The following CSPG5 variants were observed in gnomAD, a reference collection of about 807,000 sequenced individuals.
The protein encoded by CSPG5 is acidic leucine-rich EGF-like domain-containing brain protein.
In CSPG5, 25 loss-of-function variants were observed where a neutral mutation model predicts 39.8. That is an observed-to-expected ratio of 0.63 (90% CI 0.46 to 0.88). The LOEUF is 0.88. Ranked by LOEUF, CSPG5 falls within the 40% of genes least tolerant of loss-of-function variation. CSPG5 has a pLI of 0.00. For synonymous variants in CSPG5, 295 were observed against 303.9 expected (o/e 0.97, Z 0.31); for missense variants, 627 against 702.2 (o/e 0.89, Z 1.21).
chr3:47,567,768 T>G (rs1274808878), intron 4 of CSPG5, among the ~76,000 whole-genome samples: 1 of 152,122 alleles, frequency 6.6e-6, no homozygotes, highest in African/African-American at 2.4e-5. Context: ...TCCCAACACT[T>G]TGGGAGGCTG....
chr3:47,562,364 C>G lies in CSPG5; in HGVS notation c.*236G>C, dbSNP rs2031109385. The G allele has an allele frequency of 2.8e-6, 1 of 359,210 alleles. No homozygotes were observed. 22.3% of individuals were successfully genotyped at this position (359,210 alleles called of 1,614,324 possible). A position where few individuals can be genotyped will look rare whatever the true frequency, so the allele number is the denominator to read the frequency against. On this transcript the variant is annotated 3_prime_UTR_variant, in exon 5 of 5. Coordinates refer to ENST00000264723, the MANE Select transcript of CSPG5 (RefSeq NM_006574.4). Reference sequence around the variant, plus strand: ...GGTTTAGAAATCACAGCAGCAGAAGCAATGTACAGACAGCACAGAAAAAAC... The same window carrying G: ...GGTTTAGAAATCACAGCAGCAGAAGGAATGTACAGACAGCACAGAAAAAAC...
At chr3:47,564,357 C>A (rs183132962) in intron 4 of CSPG5, among the ~76,000 whole-genome samples, 1 of 152,224 alleles carries the variant, frequency 6.6e-6, no homozygotes, top group Admixed American at 6.5e-5. Flanking sequence ...CACAGGACAC[C>A]GGGGCATCCA....
intron 2 of CSPG5, among the ~76,000 whole-genome samples, chr3:47,573,492 TGAG>T (rs1321147050): frequency 1.3e-5 from 2 of 152,178 alleles, no homozygotes; most frequent in East Asian, 3.8e-4. Context: ...CCTAGTACTA[TGAG>T]AACTGTCATG....
chr3:47,566,298 C>A (rs922344018), intron 4 of CSPG5, among the ~76,000 whole-genome samples: 2 of 152,150 alleles, frequency 1.3e-5, no homozygotes, highest in Non-Finnish European at 2.9e-5. Flanking sequence ...GGAGAAGCCA[C>A]GAGGCAGGCT....
chr3:47,577,736 C>T lies in CSPG5; in HGVS notation c.290G>A (p.Gly97Asp). 1 of 1,579,998 alleles carries T rather than the reference C, an allele frequency of 6.3e-7. No individual in the cohort carries two copies. The highest frequency in any genetic ancestry group is 8.6e-7 in the Non-Finnish European group (1 of 1,168,752). The change falls in exon 2 of 5, where the codon GGC (glycine) becomes GAC (aspartate). Residue 97 changes from glycine (G) to aspartate (D), a missense_variant. Coordinates refer to ENST00000264723, the MANE Select transcript of CSPG5 (RefSeq NM_006574.4). This position sits in a 1 kb window ranked among gnomAD's most constrained non-coding sequence, Gnocchi z 4.7. Reference sequence around the variant, plus strand: ...GCTGTCAGCTTCCAGCCAGGCGGTGCCGGTCACCGCAGCCGACTCCTGCAG... The same window carrying T: ...GCTGTCAGCTTCCAGCCAGGCGGTGTCGGTCACCGCAGCCGACTCCTGCAG... ...EVLQESAAVT[G>D]TAWLEADSPG...
chr3:47,576,922 G>A lies in CSPG5; in HGVS notation c.1104C>T (p.Gly368=). The A allele has an allele frequency of 6.2e-7, 1 of 1,612,074 alleles. No homozygotes were observed. Among genetic ancestry groups the A allele is most frequent in the Non-Finnish European group, 8.5e-7 (1 of 1,178,672 alleles). The change falls in exon 2 of 5, where the codon GGC becomes GGT. Residue 368 remains glycine, a synonymous_variant. Coordinates refer to ENST00000264723, the MANE Select transcript of CSPG5 (RefSeq NM_006574.4). ...AGAGGTCGCACACTGACCGGCAGGA[G>A]CCGTTATGCCGCACAAAGCCACTGC... ...ECRSGFVRHN[G]SCRSVCDLFP... is the part of the protein sequence containing the mutation.
chr3:47,564,604 C>T (rs528992404), intron 4 of CSPG5, among the ~76,000 whole-genome samples: 1 of 152,130 alleles, frequency 6.6e-6, no homozygotes, highest in Non-Finnish European at 1.5e-5. Context: ...GCACGCGCGG[C>T]CAGTTGAATG....
chr3:47,562,551 T>TCCCCGACCCCCCCC lies in CSPG5; in HGVS notation c.*48_*49insGGGGGGGGTCGGGG. On this transcript the variant is annotated 3_prime_UTR_variant, in exon 5 of 5. Transcript: ENST00000264723. The stretch of plus-strand genomic sequence containing the variant: ...CTGTACAAGAGGAGATAATGTTTCT[T>TCCCCGACCCCCCCC]CCCCTACCCCCCACCCACTACCCCC... The TCCCCGACCCCCCCC allele has an allele frequency of 6.6e-7, 1 of 1,518,952 alleles. No individual in the cohort carries two copies. The highest frequency in any genetic ancestry group is 9.1e-7 in the Non-Finnish European group (1 of 1,103,898). 94.1% of individuals were successfully genotyped at this position (1,518,952 alleles called of 1,614,324 possible). A position where few individuals can be genotyped will look rare whatever the true frequency, so the allele number is the denominator to read the frequency against.
chr3:47,565,544 T>C (rs1447787983), intron 4 of CSPG5, among the ~76,000 whole-genome samples: 2 of 152,156 alleles, frequency 1.3e-5, no homozygotes, highest in African/African-American at 2.4e-5. Flanking sequence ...CCCAGCAGTA[T>C]GGGCACCCTT....
chr3:47,572,206 C>T lies in CSPG5; in HGVS notation c.1382+480G>A, dbSNP rs80172712. On this transcript the variant is annotated intron_variant, in intron 3 of 4. Coordinates refer to ENST00000264723, the MANE Select transcript of CSPG5 (RefSeq NM_006574.4). This position sits in a 1 kb window ranked among gnomAD's most constrained non-coding sequence, Gnocchi z 4.5. ...TGTGGTGCTAAATAAACCCTTTCTC[C>T]TCAGTGTTCACCGAGGAGGAGCTGA... is the stretch of plus-strand genomic sequence containing the variant. Among the ~76,000 whole-genome samples the T allele has an allele frequency of 2.4e-3, 372 of 152,306 alleles. 1 individual carries two copies. The highest frequency in any genetic ancestry group is 8.5e-3 in the African/African-American group (355 of 41,558).
intron 3 of CSPG5, among the ~76,000 whole-genome samples, chr3:47,570,600 AC>A (rs1204750057): frequency 4.6e-5 from 7 of 150,740 alleles, no homozygotes; most frequent in African/African-American, 1.7e-4. Context: ...ACCTCCACCT[AC>A]TGGGTTCAAG....
rs370578310 is a variant in CSPG5 at position 47,575,929 on chromosome 3, CTTTTTTTTT to C, written c.1193+895_1193+903del. On this transcript the variant is annotated intron_variant, in intron 2 of 4. Coordinates refer to ENST00000264723, the MANE Select transcript of CSPG5 (RefSeq NM_006574.4). ...TCTTAAAGAATTCCCTTCATTTTGCCTTTTTTTTTTTTTTTTTTTTTTTTTGAGACAGAG... is the reference window on the plus strand; with the variant it reads ...TCTTAAAGAATTCCCTTCATTTTGCCTTTTTTTTTTTTTTTTGAGACAGAG... Among the ~76,000 whole-genome samples the C allele has an allele frequency of 2.7e-4, 27 of 99,626 alleles. 2 individuals are homozygous for C. In the Admixed American group the frequency reaches 3.3e-3, roughly 12 times the overall value. 65.4% of individuals were successfully genotyped at this position (99,626 alleles called of 152,430 possible).
chr3:47,578,988 G>T, upstream of CSPG5: 1 of 152,984 alleles, frequency 6.5e-6, no homozygotes, highest in South Asian at 1.8e-4. The surrounding 1 kb of genome is among the most constrained non-coding windows in gnomAD (Gnocchi z 6.0). Flanking sequence ...CAGGGGAACA[G>T]ACAGACCCCT....
chr3:47,572,745 C>A lies in CSPG5; in HGVS notation c.1323G>T (p.Val441=). ...GCAGGTAGAGCTTCTTGGCAAAGAA[C>A]ACCGTCATCATGAAGAGCAGGAGCA... The part of the protein sequence containing the change: ...LVLLLLFMMT[V]FFAKKLYLLK... The change falls in exon 3 of 5, where the codon GTG becomes GTT. Residue 441 remains valine (V), a synonymous_variant. Transcript: ENST00000264723. The surrounding 1 kb of genome is among the most constrained non-coding windows in gnomAD (Gnocchi z 4.5). 6.2e-7 allele frequency: 1 copy of A among 1,614,164 alleles called. No homozygotes were observed. Among genetic ancestry groups the A allele is most frequent in the South Asian group, 1.1e-5 (1 of 91,084 alleles).
chr3:47,562,778 G>GT lies in CSPG5; in HGVS notation c.1459-18dup. On this transcript the variant is annotated splice_polypyrimidine_tract_variant and intron_variant, in intron 4 of 4. Transcript: ENST00000264723. ...AGGATCATCCTGGAAGAGGGAAAAA[G>GT]TTGGGGGGGGGGAGACAATGCATAC... 6.7e-7 allele frequency: 1 copy of GT among 1,495,614 alleles called. No homozygotes were observed. Among genetic ancestry groups the GT allele is most frequent in the Non-Finnish European group, 9.2e-7 (1 of 1,086,976 alleles). The allele number at this position is 1,495,614 out of a possible 1,614,324, so 92.6% of individuals were successfully genotyped here. A position where few individuals can be genotyped will look rare whatever the true frequency, so the allele number is the denominator to read the frequency against.
In CSPG5 at chr3:47,577,519, C is replaced by T. The variant is rs747634209; in HGVS notation, c.507G>A (p.Lys169=). ...DKLSPASELP[K]ESPLEVWLNL... ...TCAGCCAAACCTCCAAGGGGCTCTC[C>T]TTGGGGAGTTCAGAAGCTGGGCTCA... Residue 169 remains lysine, a synonymous_variant, in exon 2 of 5, where the codon AAG becomes AAA. Transcript: ENST00000264723. This position sits in a 1 kb window ranked among gnomAD's most constrained non-coding sequence, Gnocchi z 4.7. The T allele has an allele frequency of 2.5e-5, 41 of 1,612,276 alleles. No individual in the cohort carries two copies. In the Admixed American group the frequency reaches 6.2e-4, roughly 24 times the overall value.
At chr3:47,563,431 C>T (rs1021280481) in intron 4 of CSPG5, among the ~76,000 whole-genome samples, 7 of 152,220 alleles carry the variant, frequency 4.6e-5, no homozygotes, top group Non-Finnish European at 1.0e-4. Flanking sequence ...ACATGATATT[C>T]GTACTGCTGA....
chr3:47,565,539 C>T (rs780503080), intron 4 of CSPG5, among the ~76,000 whole-genome samples: 1 of 152,148 alleles, frequency 6.6e-6, no homozygotes, highest in Non-Finnish European at 1.5e-5. Flanking sequence ...TCAATCCCAG[C>T]AGTATGGGCA....
intron 3 of CSPG5, among the ~76,000 whole-genome samples, chr3:47,571,980 T>C (rs2031546005): frequency 6.6e-6 from 1 of 152,236 alleles, no homozygotes; most frequent in African/African-American, 2.4e-5. Context: ...GATTCTCACA[T>C]GCACACAACA....
Sources: allele counts gnomAD v4.1 joint callset (sites outside exome capture counted in the v4.1 genomes callset), GRCh38; gene constraint gnomAD v4.1.1; non-coding constraint Gnocchi (gnomAD v3.1); transcripts MANE v1.5; gene names NCBI Gene and HGNC (gene_info 2026-07-23, HGNC 2026-07-21).